The following SAMTOR variants were observed in gnomAD, a reference collection of about 807,000 sequenced individuals.
SAMTOR encodes UPF0532 protein C7orf60.
chr7:112,858,215 T>C, the SAMTOR span, among the ~76,000 whole-genome samples: 1 of 152,202 alleles, frequency 6.6e-6, no homozygotes, highest in South Asian at 2.1e-4. Context: ...TGAAAATATT[T>C]AGTAAGAACT....
the SAMTOR span, among the ~76,000 whole-genome samples, chr7:112,860,647 A>G: frequency 6.6e-6 from 1 of 152,144 alleles, no homozygotes; most frequent in Non-Finnish European, 1.5e-5. Flanking sequence ...TCACGCCTGT[A>G]ATCCCAGCAC....
chr7:112,875,682 T>C, the SAMTOR span, among the ~76,000 whole-genome samples: 2 of 152,216 alleles, frequency 1.3e-5, no homozygotes, highest in East Asian at 1.9e-4. Flanking sequence ...CTTCAAATCA[T>C]TGAAATTTAG....
chr7:112,843,896 C>G, the SAMTOR span, among the ~76,000 whole-genome samples: 2 of 152,038 alleles, frequency 1.3e-5, no homozygotes, highest in East Asian at 3.9e-4. Flanking sequence ...ACTTGCAAAC[C>G]AAATCCAGCA....
the SAMTOR span, among the ~76,000 whole-genome samples, chr7:112,832,017 T>C: frequency 3.3e-5 from 5 of 151,152 alleles, no homozygotes; most frequent in Non-Finnish European, 7.4e-5. Context: ...AGTTTCTTTT[T>C]TTTTTTTTTT....
At chr7:112,827,128 T>C in the SAMTOR span, among the ~76,000 whole-genome samples, 45 of 152,204 alleles carry the variant, frequency 3.0e-4, no homozygotes, top group African/African-American at 9.9e-4. Flanking sequence ...GCCAGCTTTC[T>C]TTTCTCCATC....
At chr7:112,837,831 C>T in the SAMTOR span, among the ~76,000 whole-genome samples, 2 of 151,938 alleles carry the variant, frequency 1.3e-5, no homozygotes, top group Admixed American at 6.6e-5. Context: ...TCAATACATA[C>T]CTTGAATTTA....
At chr7:112,870,257 T>C in the SAMTOR span, among the ~76,000 whole-genome samples, 1 of 152,002 alleles carries the variant, frequency 6.6e-6, no homozygotes, top group Admixed American at 6.6e-5. Context: ...CACTAGACTA[T>C]CCAAGGTCAA....
At chr7:112,887,149 G>A in the SAMTOR span, among the ~76,000 whole-genome samples, 1 of 151,780 alleles carries the variant, frequency 6.6e-6, no homozygotes, top group Non-Finnish European at 1.5e-5. Context: ...TCCAGCCTGG[G>A]CTACAGAGCG....
chr7:112,863,750 G>T, the SAMTOR span, among the ~76,000 whole-genome samples: 1 of 151,980 alleles, frequency 6.6e-6, no homozygotes, highest in African/African-American at 2.4e-5. Flanking sequence ...TCGGTCAGAT[G>T]TCAAAAAATA....
the SAMTOR span, among the ~76,000 whole-genome samples, chr7:112,888,771 T>C: frequency 6.6e-6 from 1 of 152,162 alleles, no homozygotes; most frequent in Non-Finnish European, 1.5e-5. Flanking sequence ...AAAAGTTGAA[T>C]AGTTTTTGAT....
At chr7:112,885,064 C>T in the SAMTOR span, among the ~76,000 whole-genome samples, 41 of 152,350 alleles carry the variant, frequency 2.7e-4, no homozygotes, top group African/African-American at 9.4e-4. Flanking sequence ...GGGACTTGCA[C>T]CCTCTGAAGC....
the SAMTOR span, among the ~76,000 whole-genome samples, chr7:112,917,505 G>C: frequency 6.6e-6 from 1 of 152,182 alleles, no homozygotes; most frequent in Non-Finnish European, 1.5e-5. Flanking sequence ...GGAAAAAACA[G>C]AGCAGAAAAA....
the SAMTOR span, among the ~76,000 whole-genome samples, chr7:112,917,319 C>T: frequency 1.2e-4 from 18 of 152,302 alleles, no homozygotes; most frequent in Admixed American, 2.6e-4. Flanking sequence ...CTGCAGCCAC[C>T]GCTGCTCCAG....
At chr7:112,936,935 A>G in the SAMTOR span, among the ~76,000 whole-genome samples, 1 of 152,142 alleles carries the variant, frequency 6.6e-6, no homozygotes, top group South Asian at 2.1e-4. Flanking sequence ...CACTAATATT[A>G]GGTTTGGAGT....
chr7:112,888,485 G>A, the SAMTOR span, among the ~76,000 whole-genome samples: 1 of 152,058 alleles, frequency 6.6e-6, no homozygotes, highest in Non-Finnish European at 1.5e-5. Context: ...CTAGTGTTAG[G>A]GAAATGGGTA....
chr7:112,922,952 C>A, the SAMTOR span, among the ~76,000 whole-genome samples: 267 of 149,634 alleles, frequency 1.8e-3, no homozygotes, highest in African/African-American at 6.3e-3. Context: ...CCCCTCTGCC[C>A]GGCCACCACC....
the SAMTOR span, among the ~76,000 whole-genome samples, chr7:112,932,666 A>G: frequency 1.8e-4 from 28 of 152,344 alleles, no homozygotes; most frequent in African/African-American, 6.7e-4. Flanking sequence ...TATAAATACC[A>G]TAAAGGTAGG....
At chr7:112,829,582 G>T in the SAMTOR span, among the ~76,000 whole-genome samples, 1 of 152,060 alleles carries the variant, frequency 6.6e-6, no homozygotes, top group Non-Finnish European at 1.5e-5. Context: ...TTTTTTGGAT[G>T]CTAGACATGG....
the SAMTOR span, among the ~76,000 whole-genome samples, chr7:112,894,559 T>C: frequency 6.6e-6 from 1 of 152,104 alleles, no homozygotes; most frequent in Non-Finnish European, 1.5e-5. Context: ...CTCACAATCA[T>C]GATGGAAGGC....
Sources: allele counts gnomAD v4.1 joint callset (sites outside exome capture counted in the v4.1 genomes callset), GRCh38; gene constraint gnomAD v4.1.1; transcripts MANE v1.5; gene names NCBI Gene and HGNC (gene_info 2026-07-23, HGNC 2026-07-21).